PIP: variants seen among roughly 807,000 people sequenced by gnomAD.
The protein encoded by PIP is prolactin-inducible protein.
Under a neutral mutation model 12.8 loss-of-function variants are expected in PIP, and 9 were observed. The ratio of observed to expected loss-of-function variants is 0.70; its 90% CI spans 0.42 to 1.23. The LOEUF (loss-of-function observed/expected upper bound fraction) is 1.23, where lower values mean the gene tolerates loss of function less well. PIP is among the 50% of genes most tolerant of loss of function. The pLI is 0.00. For synonymous variants in PIP, 60 were observed against 66.1 expected, an observed-to-expected ratio of 0.91 and a Z score of 0.45; for missense variants, 172 against 179.5, an observed-to-expected ratio of 0.96 and a Z score of 0.24.
At chr7:143,135,106 C>T (rs1383200928) in intron 1 of PIP, 88 bp from the exon 2 acceptor site, 9 of 642,352 alleles carry the variant, frequency 1.4e-5, no homozygotes, top group Non-Finnish European at 2.3e-5. Context: ...CTTGCCCATC[C>T]TGTGCCCCTT....
In PIP at chr7:143,132,152, T is replaced by C. The variant is rs1446786811; in HGVS notation, c.36T>C (p.Pro12=). The part of the protein sequence containing the change: ...RLLQLLFRAS[P]ATLLLVLCLQ... ...TCCAGCTCCTGTTCAGGGCCAGCCC[T>C]GCCACCCTGCTCCTGGTTCTCTGCC... Residue 12 remains proline (P), a synonymous_variant, in exon 1 of 4, where the codon CCT becomes CCC. Coordinates refer to ENST00000291009, the MANE Select transcript of PIP (RefSeq NM_002652.3). 2.5e-6 allele frequency: 4 copies of C among 1,612,388 alleles called. No homozygotes were observed. The highest frequency in any genetic ancestry group is 2.5e-6 in the Non-Finnish European group (3 of 1,178,426).
chr7:143,139,112 G>A lies in PIP; in HGVS notation c.239G>A (p.Gly80Asp), dbSNP rs138182236. Reference protein sequence around the residue: ...TYLISSIPLQGAFNYKYTACL... With the variant: ...TYLISSIPLQDAFNYKYTACL... ...CTCATTAGCAGCATCCCTCTACAAG[G>A]TGCATTTAACTATAAGTATACTGCC... Residue 80 changes from glycine to aspartate, a missense_variant, in exon 3 of 4, where the codon GGT becomes GAT. Transcript: ENST00000291009. The A allele has an allele frequency of 3.7e-6, 6 of 1,600,592 alleles. No individual in the cohort carries two copies. The highest frequency in any genetic ancestry group is 2.7e-5 in the African/African-American group (2 of 74,858).
chr7:143,139,629 T>C lies in PIP; in HGVS notation c.428T>C (p.Leu143Pro). The C allele has an allele frequency of 6.2e-7, 1 of 1,611,042 alleles. No homozygotes were observed. Among genetic ancestry groups the C allele is most frequent in the Non-Finnish European group, 8.5e-7 (1 of 1,177,372 alleles). The change falls in exon 4 of 4, where the codon CTA becomes CCA. Residue 143 changes from leucine (L) to proline (P), a missense_variant. Leu to Pro is a moderately conservative substitution (Grantham distance 98). Transcript: ENST00000291009. Reference sequence around the variant, plus strand: ...AACCGGTTTTATACTATTGAAATCCTAAAGGTAGAATAATGGAAGCCCTGT... The same window carrying C: ...AACCGGTTTTATACTATTGAAATCCCAAAGGTAGAATAATGGAAGCCCTGT... ...KNNRFYTIEI[L>P]KVE
At chr7:143,134,948 C>G (rs895598386) in intron 1 of PIP, among the ~76,000 whole-genome samples, 6 of 152,076 alleles carry the variant, frequency 3.9e-5, no homozygotes, top group African/African-American at 1.4e-4. Context: ...GGTAGTTCTA[C>G]TTTTAGTTCT....
At position 143,139,146 on chromosome 7, in the gene PIP, TGAC is replaced by T; in HGVS notation, c.277_279del (p.Asp93del). 1 of 1,605,316 alleles carries T rather than the reference TGAC, an allele frequency of 6.2e-7. No homozygotes were observed. Among genetic ancestry groups the T allele is most frequent in the Non-Finnish European group, 8.5e-7 (1 of 1,171,820 alleles). The stretch of plus-strand genomic sequence containing the variant: ...ACTATAAGTATACTGCCTGCCTATG[TGAC>T]GACAATCCAAAAACCTTCTACTGGG... On this transcript the variant is annotated inframe_deletion, in exon 3 of 4. Coordinates refer to ENST00000291009, the MANE Select transcript of PIP (RefSeq NM_002652.3).
chr7:143,136,709 T>C (rs1799314129), intron 2 of PIP, among the ~76,000 whole-genome samples: 1 of 152,064 alleles, frequency 6.6e-6, no homozygotes, highest in Non-Finnish European at 1.5e-5. Flanking sequence ...TAAGATATGT[T>C]TGAATCAATA....
chr7:143,139,184 C>T lies in PIP; in HGVS notation c.311C>T (p.Thr104Ile), dbSNP rs771781460. 6 of 1,535,370 alleles carry T rather than the reference C, an allele frequency of 3.9e-6. No homozygotes were observed. Among genetic ancestry groups the T allele is most frequent in the Non-Finnish European group, 5.4e-6 (6 of 1,107,832 alleles). Residue 104 changes from threonine to isoleucine, a missense_variant, in exon 3 of 4, where the codon ACC becomes ATC. By Grantham distance (89) the Thr-to-Ile change is moderately conservative. Coordinates refer to ENST00000291009, the MANE Select transcript of PIP (RefSeq NM_002652.3). ...NPKTFYWDFY[T>I]NRTVQIAAVV... ...AAAACCTTCTACTGGGACTTTTACACCAACAGTAAGTACAGAAGTTGTCCA... is the reference window on the plus strand; with the variant it reads ...AAAACCTTCTACTGGGACTTTTACATCAACAGTAAGTACAGAAGTTGTCCA...
chr7:143,138,232 G>T (rs576786952), intron 2 of PIP, among the ~76,000 whole-genome samples: 1 of 152,170 alleles, frequency 6.6e-6, no homozygotes, highest in African/African-American at 2.4e-5. Flanking sequence ...CACACATACT[G>T]CTAATGGCAC....
chr7:143,139,186 A>T lies in PIP; in HGVS notation c.313A>T (p.Asn105Tyr). Residue 105 changes from asparagine to tyrosine, a missense_variant, in exon 3 of 4, where the codon AAC (asparagine) becomes TAC (tyrosine). Coordinates refer to ENST00000291009, the MANE Select transcript of PIP (RefSeq NM_002652.3). ...PKTFYWDFYT[N>Y]RTVQIAAVVD... The stretch of plus-strand genomic sequence containing the variant: ...AACCTTCTACTGGGACTTTTACACC[A>T]ACAGTAAGTACAGAAGTTGTCCAAG... 6.6e-7 allele frequency: 1 copy of T among 1,523,592 alleles called. No homozygotes were observed. Among genetic ancestry groups the T allele is most frequent in the South Asian group, 1.1e-5 (1 of 89,520 alleles). 94.4% of individuals were successfully genotyped at this position (1,523,592 alleles called of 1,614,324 possible). A position where few individuals can be genotyped will look rare whatever the true frequency, so the allele number is the denominator to read the frequency against.
intron 1 of PIP, among the ~76,000 whole-genome samples, chr7:143,134,843 G>A (rs1290534160): frequency 6.6e-6 from 1 of 151,902 alleles, no homozygotes; most frequent in Non-Finnish European, 1.5e-5. Flanking sequence ...ATTGTGAATT[G>A]TGCTACTATA....
chr7:143,136,968 TTATTAAAATA>T (rs925041271), intron 2 of PIP, among the ~76,000 whole-genome samples: 29 of 151,734 alleles, frequency 1.9e-4, no homozygotes, highest in African/African-American at 6.7e-4. Context: ...TTTTAAATTT[TTATTAAAATA>T]TATTTATATA....
chr7:143,132,183 T>A lies in PIP; in HGVS notation c.67T>A (p.Leu23Met), dbSNP rs145650295. 1 of 1,613,584 alleles carries A rather than the reference T, an allele frequency of 6.2e-7. No individual in the cohort carries two copies. Among genetic ancestry groups the A allele is most frequent in the African/African-American group, 1.3e-5 (1 of 75,022 alleles). Residue 23 changes from leucine to methionine, a missense_variant, in exon 1 of 4, where the codon TTG becomes ATG. Leu to Met is a conservative substitution (Grantham distance 15, BLOSUM62 2). Transcript: ENST00000291009. ...ATLLLVLCLQ[L>M]GANKAQDNTR... The stretch of plus-strand genomic sequence containing the variant: ...CCTGCTCCTGGTTCTCTGCCTGCAG[T>A]TGGGGGCCAACAAAGCTCAGGACAA...
chr7:143,138,683 C>T (rs1799334740), intron 2 of PIP, among the ~76,000 whole-genome samples: 1 of 152,080 alleles, frequency 6.6e-6, no homozygotes, highest in Admixed American at 6.6e-5. Flanking sequence ...CTCCTACACG[C>T]AAGTGGCCAG....
At position 143,135,266 on chromosome 7, in the gene PIP, T is replaced by C. The variant is rs1160164169; in HGVS notation, c.168T>C (p.Leu56=). Residue 56 remains leucine (L), a synonymous_variant, in exon 2 of 4, where the codon CTT becomes CTC. Coordinates refer to ENST00000291009, the MANE Select transcript of PIP (RefSeq NM_002652.3). ...CAAATGACGAAGTCACTGCAGTGCTTGCAGTTCAAACAGAATTGAAAGAAT... is the reference window on the plus strand; with the variant it reads ...CAAATGACGAAGTCACTGCAGTGCTCGCAGTTCAAACAGAATTGAAAGAAT... ...VRPNDEVTAV[L]AVQTELKECM... The C allele has an allele frequency of 6.3e-7, 1 of 1,598,358 alleles. No homozygotes were observed. Among genetic ancestry groups the C allele is most frequent in the South Asian group, 1.1e-5 (1 of 90,784 alleles).
At chr7:143,135,801 T>C (rs1404158768) in intron 2 of PIP, among the ~76,000 whole-genome samples, 1 of 152,044 alleles carries the variant, frequency 6.6e-6, no homozygotes, top group African/African-American at 2.4e-5. Context: ...TCACCAGAAG[T>C]GGACTCTTGT....
intron 2 of PIP, among the ~76,000 whole-genome samples, chr7:143,136,742 G>A (rs1268299881): frequency 6.6e-6 from 1 of 151,896 alleles, no homozygotes; most frequent in Non-Finnish European, 1.5e-5. Flanking sequence ...ACATAATTTT[G>A]TGCTTTTGTG....
At position 143,135,308 on chromosome 7, in the gene PIP, A is replaced by G; in HGVS notation, c.201+9A>G. 3 of 1,351,926 alleles carry G rather than the reference A, an allele frequency of 2.2e-6. No individual in the cohort carries two copies. The highest frequency in any genetic ancestry group is 3.2e-6 in the Non-Finnish European group (3 of 942,088). The allele number at this position is 1,351,926 out of a possible 1,614,324, so 83.7% of individuals were successfully genotyped here. A position where few individuals can be genotyped will look rare whatever the true frequency, so the allele number is the denominator to read the frequency against. ...TGAAAGAATGCATGGTGGTAAGTAG[A>G]GGACTGGGGGCGTGACTTCAAAAGA... is the stretch of plus-strand genomic sequence containing the variant. On this transcript the variant is annotated intron_variant, in intron 2 of 3. Coordinates refer to ENST00000291009, the MANE Select transcript of PIP (RefSeq NM_002652.3).
intron 1 of PIP, among the ~76,000 whole-genome samples, chr7:143,134,500 T>A (rs193115135): frequency 3.3e-5 from 5 of 151,884 alleles, no homozygotes; most frequent in Admixed American, 2.0e-4. Context: ...TGTCCCCTGA[T>A]CACTGCATCC....
Position 143,139,618 on chromosome 7 carries a change from T to C in PIP, c.417T>C (p.Thr139=), listed in dbSNP as rs766557875. The change falls in exon 4 of 4, where the codon ACT becomes ACC. Residue 139 remains threonine (T), a synonymous_variant. Transcript: ENST00000291009. The part of the protein sequence containing the change: ...VIPIKNNRFY[T]IEILKVE Reference sequence around the variant, plus strand: ...CCATCAAAAACAACCGGTTTTATACTATTGAAATCCTAAAGGTAGAATAAT... The same window carrying C: ...CCATCAAAAACAACCGGTTTTATACCATTGAAATCCTAAAGGTAGAATAAT... 4 of 1,612,016 alleles carry C rather than the reference T, an allele frequency of 2.5e-6. No individual in the cohort carries two copies. The South Asian group carries it at 4.4e-5, about 18-fold the overall frequency.
Sources: gnomAD v4.1 joint callset for allele counts (sites outside exome capture counted in the v4.1 genomes callset) on GRCh38, gnomAD v4.1.1 for gene constraint, MANE v1.5 for transcripts, NCBI Gene and HGNC (gene_info 2026-07-23, HGNC 2026-07-21) for gene names.